CTNND2: variants seen among roughly 807,000 people sequenced by gnomAD.
CTNND2 encodes catenin delta-2.
CTNND2 carries 22 observed loss-of-function variants against 144.4 expected under a neutral mutation model. The ratio of observed to expected loss-of-function variants is 0.15; its 90% confidence interval spans 0.11 to 0.22. CTNND2 has a LOEUF of 0.22. Among genes scored for constraint, CTNND2 ranks in the 10% least tolerant of loss-of-function variants. The pLI is 1.00. For synonymous variants in CTNND2, 751 were observed against 695.6 expected (o/e 1.08, Z -1.25); for missense variants, 1,353 against 1,618.8 (o/e 0.84, Z 2.82).
At chr5:11,483,348 G>C (rs529790378) in intron 3 of CTNND2, among the ~76,000 whole-genome samples, 95 of 152,274 alleles carry the variant, frequency 6.2e-4, no homozygotes, top group African/African-American at 2.2e-3. Context: ...TTCACTCTTG[G>C]CTATGAGGAG....
intron 10 of CTNND2, among the ~76,000 whole-genome samples, chr5:11,204,296 T>C (rs1737811992): frequency 6.7e-6 from 1 of 149,790 alleles, no homozygotes; most frequent in Non-Finnish European, 1.5e-5. Flanking sequence ...CACTAGAATG[T>C]ATTCCCAGTT....
At chr5:11,470,960 A>G (rs1253371937) in intron 3 of CTNND2, among the ~76,000 whole-genome samples, 37 of 86,878 alleles carry the variant, frequency 4.3e-4, no homozygotes, top group African/African-American at 2.1e-3. Flanking sequence ...CAAAGTATAT[A>G]TATATATATA....
chr5:11,053,245 C>A (rs184774725), intron 16 of CTNND2, among the ~76,000 whole-genome samples: 456 of 152,222 alleles, frequency 3.0e-3, no homozygotes, highest in Middle Eastern at 0.01. Context: ...TATGCAGAGG[C>A]AAGCTTATCA....
In CTNND2 at chr5:11,382,621, G is replaced by A. The variant is rs1021478206; in HGVS notation, c.1177+2044C>T. On this transcript the variant is annotated intron_variant, in intron 7 of 21. Transcript: ENST00000304623. The stretch of plus-strand genomic sequence containing the variant: ...TGTGTGTGTGTGTGTGTGTGTGTGT[G>A]TGTGTGTGTGTGTGTGTGTGTGTGT... Among the ~76,000 whole-genome samples, 22 of 151,486 alleles carry A rather than the reference G, an allele frequency of 1.5e-4. No individual in the cohort carries two copies. In the East Asian group the frequency reaches 2.9e-3, roughly 20 times the overall value.
At chr5:11,652,098 C>T (rs1181836956) in intron 2 of CTNND2, among the ~76,000 whole-genome samples, 1 of 152,142 alleles carries the variant, frequency 6.6e-6, no homozygotes, top group Non-Finnish European at 1.5e-5. Context: ...CTGCACAAAT[C>T]TTATGTCAAA....
intron 3 of CTNND2, among the ~76,000 whole-genome samples, chr5:11,455,125 G>C (rs1417085870): frequency 6.6e-6 from 1 of 151,522 alleles, no homozygotes; most frequent in Non-Finnish European, 1.5e-5. Context: ...GTTGGCTTAG[G>C]AAGAATGCAT....
In CTNND2 at chr5:10,972,284, T is replaced by C. The variant is rs1735928909; in HGVS notation, c.*1169A>G. On this transcript the variant is annotated 3_prime_UTR_variant, in exon 22 of 22. Coordinates refer to ENST00000304623, the MANE Select transcript of CTNND2 (RefSeq NM_001332.4). ...CAACTGGCCTAATATCCTGAGTCAC[T>C]AGATGGTCAGAAGAATAGATACAGT... 1.3e-5 allele frequency: 2 copies of C among 152,566 alleles called. No individual in the cohort carries two copies. The highest frequency in any genetic ancestry group is 1.3e-4 in the Admixed American group (2 of 15,272). 9.5% of individuals were successfully genotyped at this position (152,566 alleles called of 1,614,324 possible).
intron 2 of CTNND2, among the ~76,000 whole-genome samples, chr5:11,701,480 A>C (rs1785430150): frequency 6.6e-6 from 1 of 152,244 alleles, no homozygotes; most frequent in Non-Finnish European, 1.5e-5. Flanking sequence ...GAATTTCTAT[A>C]CATTCAATAT....
intron 1 of CTNND2, among the ~76,000 whole-genome samples, chr5:11,758,522 G>A (rs545294720): frequency 3.5e-4 from 53 of 152,044 alleles, no homozygotes; most frequent in Non-Finnish European, 6.9e-4. Flanking sequence ...CTTAGCATCT[G>A]GTAACCATCA....
At chr5:11,687,371 T>C (rs1051535320) in intron 2 of CTNND2, among the ~76,000 whole-genome samples, 2 of 152,228 alleles carry the variant, frequency 1.3e-5, no homozygotes, top group Admixed American at 1.3e-4. Context: ...CACAGTCATT[T>C]CCAGGGCCCC....
intron 1 of CTNND2, among the ~76,000 whole-genome samples, chr5:11,834,233 G>A (rs1355706558): frequency 1.3e-5 from 2 of 152,088 alleles, no homozygotes; most frequent in African/African-American, 4.8e-5. Flanking sequence ...CATGGTAAAC[G>A]TATGCATGTA....
At chr5:11,851,871 A>G (rs1429225135) in intron 1 of CTNND2, among the ~76,000 whole-genome samples, 1 of 152,236 alleles carries the variant, frequency 6.6e-6, no homozygotes. Flanking sequence ...GTTAGGGCAG[A>G]GGGTAGCTAA....
intron 9 of CTNND2, among the ~76,000 whole-genome samples, chr5:11,286,257 C>T (rs1479446640): frequency 6.6e-6 from 1 of 151,942 alleles, no homozygotes; most frequent in East Asian, 1.9e-4. Context: ...AAGAGACATG[C>T]CACCAGTTGG....
chr5:11,552,906 T>A (rs903455343), intron 3 of CTNND2, among the ~76,000 whole-genome samples: 3 of 152,158 alleles, frequency 2.0e-5, no homozygotes, highest in African/African-American at 7.2e-5. Context: ...TGAACATGCA[T>A]CTTGGTAAAA....
chr5:11,618,080 C>T (rs1368099593), intron 2 of CTNND2, among the ~76,000 whole-genome samples: 1 of 151,950 alleles, frequency 6.6e-6, no homozygotes, highest in Non-Finnish European at 1.5e-5. Context: ...CTACCTAACC[C>T]TATCAGGCTT....
chr5:11,723,053 T>G (rs911201556), intron 2 of CTNND2, among the ~76,000 whole-genome samples: 1 of 152,050 alleles, frequency 6.6e-6, no homozygotes, highest in African/African-American at 2.4e-5. Context: ...TTTCTGAGAC[T>G]CTGGGGAACA....
intron 2 of CTNND2, among the ~76,000 whole-genome samples, chr5:11,637,153 C>A (rs1002024264): frequency 5.9e-5 from 9 of 152,078 alleles, no homozygotes; most frequent in African/African-American, 2.2e-4. Context: ...AAAAAACAAT[C>A]ATTACCTTGG....
chr5:11,658,569 C>T (rs1000536942), intron 2 of CTNND2, among the ~76,000 whole-genome samples: 5 of 151,936 alleles, frequency 3.3e-5, no homozygotes, highest in Admixed American at 6.6e-5. Context: ...TGTTGTATTC[C>T]GTGGAAACTC....
chr5:11,613,084 A>C (rs1780412085), intron 2 of CTNND2, among the ~76,000 whole-genome samples: 1 of 152,184 alleles, frequency 6.6e-6, no homozygotes, highest in Admixed American at 6.5e-5. Context: ...TGCCAATGAG[A>C]TACATGGGCA....
Sources: allele counts gnomAD v4.1 joint callset (sites outside exome capture counted in the v4.1 genomes callset), GRCh38; gene constraint gnomAD v4.1.1; transcripts MANE v1.5; gene names NCBI Gene and HGNC (gene_info 2026-07-23, HGNC 2026-07-21).